SHTN1: variants seen among roughly 807,000 people sequenced by gnomAD.
SHTN1 encodes the protein shootin-1.
A neutral mutation model predicts 83.1 loss-of-function variants in SHTN1; 42 were observed. That is an observed-to-expected ratio of 0.51 (90% CI 0.39 to 0.65). The LOEUF (loss-of-function observed/expected upper bound fraction) is 0.65, where lower values mean the gene tolerates loss of function less well. Among genes scored for constraint, SHTN1 ranks in the 30% least tolerant of loss-of-function variants. The probability of loss-of-function intolerance (pLI) is 0.00; values close to 1 mark genes in which losing one functional copy is unlikely to be tolerated. For missense variants in SHTN1, 622 were observed against 737.8 expected (o/e 0.84, Z 1.82); for synonymous variants, 224 against 247.7 (o/e 0.90, Z 0.90).
At chr10:116,941,208 T>G (rs1242527644) in intron 8 of SHTN1, among the ~76,000 whole-genome samples, 1 of 152,234 alleles carries the variant, frequency 6.6e-6, no homozygotes, top group African/African-American at 2.4e-5. Flanking sequence ...ATATCTGATT[T>G]ACATGCCCAA....
At chr10:116,957,379 G>A (rs974478033) in intron 4 of SHTN1, among the ~76,000 whole-genome samples, 7 of 148,606 alleles carry the variant, frequency 4.7e-5, no homozygotes, top group Non-Finnish European at 8.9e-5. Context: ...TCAGCCTCCC[G>A]AGTAACTGCG....
chr10:117,020,007 A>G (rs1852236086), intron 2 of SHTN1, among the ~76,000 whole-genome samples: 1 of 152,198 alleles, frequency 6.6e-6, no homozygotes, highest in Admixed American at 6.5e-5. Flanking sequence ...TCAAAATTCC[A>G]GCAGGCTTTT....
chr10:116,953,996 A>C (rs1849884448), intron 5 of SHTN1, 46 bp downstream of exon 5: 10 of 1,505,274 alleles, frequency 6.6e-6, no homozygotes, highest in Non-Finnish European at 9.1e-6. Flanking sequence ...AAGCACTATC[A>C]TAACGGGGTA....
At chr10:117,056,245 C>A (rs1451196161) in intron 1 of SHTN1, among the ~76,000 whole-genome samples, 2 of 151,980 alleles carry the variant, frequency 1.3e-5, no homozygotes, top group African/African-American at 4.8e-5. Flanking sequence ...GATACCAAAC[C>A]AAAGACAATA....
Position 116,954,062 on chromosome 10 carries a change from T to C in SHTN1, c.416A>G (p.Gln139Arg). 6.2e-7 allele frequency: 1 copy of C among 1,608,966 alleles called. No individual in the cohort carries two copies. ...TCTACCTTTAATTTGCTTCTGACAC[T>C]GTACTGAGACACAAGTCTCGGCGGC... ...DGAAETCVSV[Q>R]CQKQIKELRD... is the part of the protein sequence containing the mutation. Residue 139 changes from glutamine to arginine, a missense_variant, in exon 5 of 17, where the codon CAG becomes CGG. Coordinates refer to ENST00000355371, the MANE Select transcript of SHTN1 (RefSeq NM_001127211.3).
chr10:116,927,678 T>C, intron 11 of SHTN1, 114 bp downstream of exon 11: 10 of 1,368,472 alleles, frequency 7.3e-6, no homozygotes, highest in Non-Finnish European at 9.6e-6. Flanking sequence ...TTTAGAAAAA[T>C]TTCCAAGAGA....
At chr10:117,032,035 G>A (rs919605368) in intron 2 of SHTN1, among the ~76,000 whole-genome samples, 2 of 119,146 alleles carry the variant, frequency 1.7e-5, no homozygotes, top group Non-Finnish European at 3.4e-5. Context: ...GACACACATA[G>A]ACTGAAAATA....
In SHTN1 at chr10:116,965,671, G is replaced by A. The variant is rs1850364112; in HGVS notation, c.172+2981C>T. Among the ~76,000 whole-genome samples, 3 of 152,208 alleles carry A rather than the reference G, an allele frequency of 2.0e-5. No homozygotes were observed. In the South Asian group the frequency reaches 6.2e-4, roughly 32 times the overall value. On this transcript the variant is annotated intron_variant, in intron 3 of 16. Transcript: ENST00000355371. The stretch of plus-strand genomic sequence containing the variant: ...AATGATATGAACTCTTAATACTGAA[G>A]GGCAATCAGGCATTGGATATTTTAG...
Position 116,881,628 on chromosome 10 carries a change from G to A in SHTN1, c.*4716C>T, listed in dbSNP as rs1025931260. 1.9e-6 allele frequency: 3 copies of A among 1,549,682 alleles called. No individual in the cohort carries two copies. Among genetic ancestry groups the A allele is most frequent in the South Asian group, 1.2e-5 (1 of 83,820 alleles). On this transcript the variant is annotated 3_prime_UTR_variant, in exon 17 of 17. Transcript: ENST00000355371. ...GCTGGTGCCCACCTTCCCCACACAA[G>A]GTGTAGAGGAATCAGCCGAAACAGG... is the stretch of plus-strand genomic sequence containing the variant.
chr10:116,887,090 G>A (rs1311261300), intron 16 of SHTN1, among the ~76,000 whole-genome samples: 1 of 152,188 alleles, frequency 6.6e-6, no homozygotes, highest in Non-Finnish European at 1.5e-5. Flanking sequence ...ACCAACTAGA[G>A]GAGACCTGGT....
At chr10:117,085,443 T>C (rs1287793289) in intron 1 of SHTN1, among the ~76,000 whole-genome samples, 1 of 152,248 alleles carries the variant, frequency 6.6e-6, no homozygotes, top group East Asian at 1.9e-4. Flanking sequence ...AATATTTGGG[T>C]ATTTTCCAGC....
chr10:116,992,148 CAAACAAAACA>C (rs1372313513), intron 1 of SHTN1, among the ~76,000 whole-genome samples: 1 of 152,006 alleles, frequency 6.6e-6, no homozygotes, highest in African/African-American at 2.4e-5. Context: ...TCTCAAAAAA[CAAACAAAACA>C]AAACGAAACA....
intron 1 of SHTN1, among the ~76,000 whole-genome samples, chr10:117,064,431 G>A (rs572330589): frequency 2.6e-5 from 4 of 152,260 alleles, no homozygotes; most frequent in Non-Finnish European, 5.9e-5. Flanking sequence ...CAAGGCAGGC[G>A]GATCACGAGG....
At chr10:117,125,856 G>A (rs759813826) in intron 1 of SHTN1, among the ~76,000 whole-genome samples, 77 of 152,182 alleles carry the variant, frequency 5.1e-4, no homozygotes, top group Admixed American at 1.4e-3. Context: ...CTCTTCCCGG[G>A]AAGGGACTAA....
At chr10:116,931,900 A>G (rs1185423465) in intron 9 of SHTN1, among the ~76,000 whole-genome samples, 1 of 152,234 alleles carries the variant, frequency 6.6e-6, no homozygotes, top group Non-Finnish European at 1.5e-5. Context: ...AATTGCAAAA[A>G]CCATATGCTG....
At chr10:116,910,701 AAAAG>A (rs1006134066) in intron 14 of SHTN1, among the ~76,000 whole-genome samples, 45 of 152,340 alleles carry the variant, frequency 3.0e-4, no homozygotes, top group African/African-American at 9.9e-4. Context: ...CAAACACAAC[AAAAG>A]AGACTGTCAT....
intron 2 of SHTN1, among the ~76,000 whole-genome samples, chr10:117,038,260 C>A (rs1212987087): frequency 1.3e-5 from 2 of 150,974 alleles, no homozygotes; most frequent in Non-Finnish European, 2.9e-5. Context: ...CCCACCTCAG[C>A]CTCCCAAGTA....
chr10:117,113,515 G>C (rs1379646035), intron 1 of SHTN1, among the ~76,000 whole-genome samples: 1 of 152,152 alleles, frequency 6.6e-6, no homozygotes, highest in Non-Finnish European at 1.5e-5. Flanking sequence ...CTTTCTCTCA[G>C]GATCCAAAAG....
chr10:116,916,503 G>T (rs531940666), intron 12 of SHTN1, among the ~76,000 whole-genome samples: 7 of 152,146 alleles, frequency 4.6e-5, no homozygotes, highest in Non-Finnish European at 1.0e-4. Context: ...ATTGGCTTCT[G>T]AAGTTTCTGC....
Sources: gnomAD v4.1 joint callset for allele counts (sites outside exome capture counted in the v4.1 genomes callset) on GRCh38, gnomAD v4.1.1 for gene constraint, MANE v1.5 for transcripts, NCBI Gene and HGNC (gene_info 2026-07-23, HGNC 2026-07-21) for gene names.